GFRA1: variants seen among roughly 807,000 people sequenced by gnomAD.
GFRA1 encodes the protein GDNF family receptor alpha 1.
GFRA1 carries 16 observed loss-of-function variants against 51.6 expected under a neutral mutation model. That is an observed-to-expected ratio of 0.31 (90% CI 0.21 to 0.47). The LOEUF (loss-of-function observed/expected upper bound fraction) is 0.47, where lower values mean the gene tolerates loss of function less well. GFRA1 is among the 20% of genes least tolerant of loss of function. The pLI, the probability that GFRA1 is intolerant of heterozygous loss-of-function variation, is 1.00. For synonymous variants in GFRA1, 270 were observed against 241.3 expected, an observed-to-expected ratio of 1.12 and a Z score of -1.10; for missense variants, 530 against 594.3, an observed-to-expected ratio of 0.89 and a Z score of 1.13.
intron 5 of GFRA1, among the ~76,000 whole-genome samples, chr10:116,179,792 G>T (rs2134266305): frequency 6.6e-6 from 1 of 152,290 alleles, no homozygotes; most frequent in African/African-American, 2.4e-5. Context: ...ATTCTTGAAG[G>T]TTCTGAAGAA....
chr10:116,149,477 C>T (rs915025643), intron 5 of GFRA1, among the ~76,000 whole-genome samples: 5 of 152,144 alleles, frequency 3.3e-5, no homozygotes, highest in East Asian at 1.9e-4. Flanking sequence ...GCTGTGTTCA[C>T]GAAAACTGCT....
At chr10:116,111,849 G>T (rs1389683224) in intron 6 of GFRA1, among the ~76,000 whole-genome samples, 2 of 152,192 alleles carry the variant, frequency 1.3e-5, no homozygotes, top group Non-Finnish European at 2.9e-5. Flanking sequence ...CCAGAGCAAA[G>T]GCGCCTCTGA....
intron 5 of GFRA1, among the ~76,000 whole-genome samples, chr10:116,172,129 C>A (rs759650102): frequency 2.0e-5 from 3 of 152,212 alleles, no homozygotes; most frequent in Non-Finnish European, 4.4e-5. Flanking sequence ...ATTCTATCAT[C>A]TTTACAAAGC....
rs960118566 is a variant in GFRA1 at position 116,138,386 on chromosome 10, C to T, written c.434-12829G>A. On this transcript the variant is annotated intron_variant, in intron 5 of 10. Coordinates refer to ENST00000355422, the MANE Select transcript of GFRA1 (RefSeq NM_005264.8). ...GTAGGTTAAACCTTTTTTTTATGCC[C>T]ACCTGCACTCTTCCTTATTTTCCTA... Among the ~76,000 whole-genome samples the T allele has an allele frequency of 6.4e-4, 98 of 151,956 alleles. 1 individual carries two copies. Among genetic ancestry groups the T allele is most frequent in the African/African-American group, 2.4e-3 (98 of 41,384 alleles).
At chr10:116,273,777 T>C (rs2134858295), upstream of GFRA1, among the ~76,000 whole-genome samples, 1 of 152,240 alleles carries the variant, frequency 6.6e-6, no homozygotes, top group South Asian at 2.1e-4. Flanking sequence ...AGACCCTTCT[T>C]CGGAACACAA....
At chr10:116,151,592 C>A (rs978733788) in intron 5 of GFRA1, among the ~76,000 whole-genome samples, 2 of 152,012 alleles carry the variant, frequency 1.3e-5, no homozygotes, top group Admixed American at 6.6e-5. Context: ...GGGCTGTAAG[C>A]TCCAATGGGA....
At chr10:116,104,198 C>A (rs1956923239) in intron 6 of GFRA1, among the ~76,000 whole-genome samples, 1 of 152,218 alleles carries the variant, frequency 6.6e-6, no homozygotes, top group African/African-American at 2.4e-5. Flanking sequence ...ACAGCGGCCA[C>A]ATGTTGGTGA....
intron 5 of GFRA1, among the ~76,000 whole-genome samples, chr10:116,206,910 G>C (rs1964820620): frequency 6.6e-6 from 1 of 152,094 alleles, no homozygotes; most frequent in African/African-American, 2.4e-5. Flanking sequence ...GGGATTACAG[G>C]CGTGAGCCAC....
At chr10:116,217,454 C>T (rs1965639114) in intron 4 of GFRA1, among the ~76,000 whole-genome samples, 1 of 152,220 alleles carries the variant, frequency 6.6e-6, no homozygotes, top group Non-Finnish European at 1.5e-5. Context: ...AGCATCCTAG[C>T]CATACTGGAC....
At chr10:116,212,825 A>G (rs1320259900) in intron 4 of GFRA1, among the ~76,000 whole-genome samples, 2 of 152,172 alleles carry the variant, frequency 1.3e-5, no homozygotes, top group Non-Finnish European at 2.9e-5. Flanking sequence ...CACGTTTGGC[A>G]ATTAGGAATT....
intron 4 of GFRA1, among the ~76,000 whole-genome samples, chr10:116,263,624 C>T (rs1969449115): frequency 6.6e-6 from 1 of 152,126 alleles, no homozygotes; most frequent in Non-Finnish European, 1.5e-5. Context: ...TACATGGTGG[C>T]TGGGGCGAGA....
intron 4 of GFRA1, among the ~76,000 whole-genome samples, chr10:116,227,522 C>A (rs1966384117): frequency 6.6e-6 from 1 of 152,186 alleles, no homozygotes. Flanking sequence ...TTATTCCCTG[C>A]TGGGTGCTGT....
intron 4 of GFRA1, among the ~76,000 whole-genome samples, chr10:116,226,271 C>T (rs1339203207): frequency 6.6e-6 from 1 of 152,188 alleles, no homozygotes; most frequent in Admixed American, 6.5e-5. Flanking sequence ...CTTTTAAATA[C>T]TGGCATGTCC....
intron 7 of GFRA1, 91 bp from the exon 8 acceptor site, chr10:116,093,927 C>T: frequency 1.6e-6 from 2 of 1,223,406 alleles, no homozygotes; most frequent in Non-Finnish European, 2.4e-6. Flanking sequence ...ACGGCGGATG[C>T]ACCGTGGATA....
In GFRA1 at chr10:116,065,632, G is replaced by C. The variant is rs1448199330; in HGVS notation, c.1198-6C>G. On this transcript the variant is annotated splice_region_variant and splice_polypyrimidine_tract_variant and intron_variant, in intron 9 of 10. Transcript: ENST00000355422. ...TTGGATTTCAGCTTCTGTGCCTGGA[G>C]AGGGACAAGAAAAAAAATGCTCAAA... is the stretch of plus-strand genomic sequence containing the variant. The C allele has an allele frequency of 6.2e-7, 1 of 1,611,324 alleles. No individual in the cohort carries two copies. The highest frequency in any genetic ancestry group is 1.3e-5 in the African/African-American group (1 of 74,844).
chr10:116,204,930 G>C (rs1489987514), intron 5 of GFRA1, among the ~76,000 whole-genome samples: 5 of 152,118 alleles, frequency 3.3e-5, no homozygotes, highest in Non-Finnish European at 5.9e-5. Flanking sequence ...AAAGGAGGAG[G>C]AAAGTAACCA....
At chr10:116,082,470 GTTTTTTTTGT>G (rs889965765) in intron 9 of GFRA1, among the ~76,000 whole-genome samples, 6 of 121,046 alleles carry the variant, frequency 5.0e-5, no homozygotes, top group Admixed American at 3.0e-4. Context: ...CCTTGCTTTT[GTTTTTTTTGT>G]TTTTTTTTTG....
intron 5 of GFRA1, among the ~76,000 whole-genome samples, chr10:116,145,882 A>T (rs999932242): frequency 6.6e-6 from 1 of 152,214 alleles, no homozygotes. Flanking sequence ...AAAATGAATG[A>T]ACAAGAGCTA....
intron 5 of GFRA1, among the ~76,000 whole-genome samples, chr10:116,171,717 A>G (rs1016727246): frequency 3.3e-5 from 5 of 152,222 alleles, no homozygotes; most frequent in Non-Finnish European, 7.3e-5. Flanking sequence ...AGACAGAAGC[A>G]CATGTTGGCA....
Sources: gnomAD v4.1 joint callset for allele counts (sites outside exome capture counted in the v4.1 genomes callset) on GRCh38, gnomAD v4.1.1 for gene constraint, MANE v1.5 for transcripts, NCBI Gene and HGNC (gene_info 2026-07-23, HGNC 2026-07-21) for gene names.